POU2F1: variants seen among roughly 807,000 people sequenced by gnomAD.
POU2F1 encodes the protein POU domain, class 2, transcription factor 1.
A neutral mutation model predicts 84.9 loss-of-function variants in POU2F1; 16 were observed. The ratio of observed to expected loss-of-function variants is 0.19; its 90% CI spans 0.13 to 0.29. The LOEUF is 0.29. Ranked by LOEUF, POU2F1 falls within the 10% of genes least tolerant of loss-of-function variation. The pLI, the probability that POU2F1 is intolerant of heterozygous loss-of-function variation, is 1.00. For missense variants in POU2F1, 738 were observed against 942.6 expected, an observed-to-expected ratio of 0.78 and a Z score of 2.84; for synonymous variants, 368 against 368.3, an observed-to-expected ratio of 1.00 and a Z score of 0.01.
At chr1:167,280,576 T>C in intron 1 of POU2F1, among the ~76,000 whole-genome samples, 1 of 152,208 alleles carries the variant, frequency 6.6e-6, no homozygotes, top group East Asian at 1.9e-4. Context: ...AACACTGGGC[T>C]TTTACATGGC....
At chr1:167,404,820 C>T (rs761366793) in intron 13 of POU2F1, among the ~76,000 whole-genome samples, 6 of 152,188 alleles carry the variant, frequency 3.9e-5, no homozygotes, top group Non-Finnish European at 8.8e-5. Context: ...GATTTCTCCA[C>T]CATCCAGTTT....
At chr1:167,307,845 T>A (rs1655186877) in intron 1 of POU2F1, among the ~76,000 whole-genome samples, 1 of 152,190 alleles carries the variant, frequency 6.6e-6, no homozygotes, top group Non-Finnish European at 1.5e-5. Context: ...TTGTCATATC[T>A]CTTTACTGTT....
chr1:167,392,159 G>A (rs1055054123), intron 9 of POU2F1, among the ~76,000 whole-genome samples: 2 of 152,022 alleles, frequency 1.3e-5, no homozygotes, highest in African/African-American at 2.4e-5. Flanking sequence ...AGACCAGCCT[G>A]GCCAACATGG....
intron 1 of POU2F1, among the ~76,000 whole-genome samples, chr1:167,233,138 ATTTTTT>A (rs1203798759): frequency 7.1e-6 from 1 of 140,628 alleles, no homozygotes; most frequent in African/African-American, 2.6e-5. Context: ...TTATTTTTTA[ATTTTTT>A]TTTTTTTTTT....
intron 2 of POU2F1, among the ~76,000 whole-genome samples, chr1:167,334,715 T>C (rs1481955658): frequency 6.6e-6 from 1 of 152,218 alleles, no homozygotes; most frequent in Non-Finnish European, 1.5e-5. Flanking sequence ...TTTGATATAT[T>C]AGATATAAAA....
At chr1:167,393,741 T>TTTTATAATAAGAC (rs2101901438) in intron 9 of POU2F1, among the ~76,000 whole-genome samples, 1 of 152,274 alleles carries the variant, frequency 6.6e-6, no homozygotes, top group East Asian at 1.9e-4. Flanking sequence ...AAATTGTTAC[T>TTTTATAATAAGAC]TTTATAATAA....
chr1:167,350,553 T>A (rs1658485329), intron 2 of POU2F1, among the ~76,000 whole-genome samples: 1 of 151,780 alleles, frequency 6.6e-6, no homozygotes, highest in African/African-American at 2.4e-5. Flanking sequence ...TTCCTTCAGA[T>A]GTAGCTAGGT....
At chr1:167,399,077 A>C (rs1031011641) in intron 11 of POU2F1, 109 bp from the exon 12 acceptor site, 67 of 1,037,374 alleles carry the variant, frequency 6.5e-5, no homozygotes, top group Middle Eastern at 2.5e-4. Flanking sequence ...CCTAATGTGG[A>C]TGGTCATATG....
Position 167,246,211 on chromosome 1 carries a change from C to T in POU2F1, c.61+25253C>T, listed in dbSNP as rs563960786. 7.9e-5 allele frequency among the ~76,000 whole-genome samples: 12 copies of T among 152,132 alleles called. No homozygotes were observed. The East Asian group carries it at 2.1e-3, about 27-fold the overall frequency. ...GAATTTTTTTTTCATGAAGACCCACCTAGGAGATTTCTTTCAAATCCTAAA... is the reference window on the plus strand; with the variant it reads ...GAATTTTTTTTTCATGAAGACCCACTTAGGAGATTTCTTTCAAATCCTAAA... On this transcript the variant is annotated intron_variant, in intron 1 of 15. Coordinates refer to ENST00000367866, the MANE Select transcript of POU2F1 (RefSeq NM_002697.4).
intron 1 of POU2F1, among the ~76,000 whole-genome samples, chr1:167,233,654 A>G (rs1306315889): frequency 6.6e-6 from 1 of 152,240 alleles, no homozygotes. Flanking sequence ...TAAGTGATGC[A>G]TAACTGCACA....
intron 13 of POU2F1, among the ~76,000 whole-genome samples, chr1:167,405,134 C>T (rs1403715624): frequency 6.6e-6 from 1 of 152,136 alleles, no homozygotes; most frequent in Non-Finnish European, 1.5e-5. Context: ...GTCTCAAAAA[C>T]TTGTAAAAAT....
Position 167,417,771 on chromosome 1 carries a change from C to G in POU2F1, c.*1961C>G, listed in dbSNP as rs1187999502. The G allele has an allele frequency of 6.6e-6, 1 of 152,156 alleles. No homozygotes were observed. The highest frequency in any genetic ancestry group is 1.5e-5 in the Non-Finnish European group (1 of 68,018). 9.4% of individuals were successfully genotyped at this position (152,156 alleles called of 1,614,324 possible). A position where few individuals can be genotyped will look rare whatever the true frequency, so the allele number is the denominator to read the frequency against. ...GGGAGCTTGGATTCTGTGTACTTGT[C>G]TCTTTCCCATTGTCCAGTAAGGCAG... is the stretch of plus-strand genomic sequence containing the variant. On this transcript the variant is annotated 3_prime_UTR_variant, in exon 16 of 16. Transcript: ENST00000367866.
At chr1:167,332,681 G>A (rs1657155509) in intron 2 of POU2F1, 146 bp downstream of exon 2, 2 of 591,730 alleles carry the variant, frequency 3.4e-6, no homozygotes. Context: ...TAGGAACTGG[G>A]AGGGATTATG....
chr1:167,278,229 T>C (rs969884337), intron 1 of POU2F1, among the ~76,000 whole-genome samples: 1 of 152,226 alleles, frequency 6.6e-6, no homozygotes, highest in African/African-American at 2.4e-5. Flanking sequence ...TTCCATTTCA[T>C]TCTTCACGTC....
intron 7 of POU2F1, among the ~76,000 whole-genome samples, chr1:167,377,055 T>C (rs1349671194): frequency 6.6e-6 from 1 of 152,198 alleles, no homozygotes; most frequent in South Asian, 2.1e-4. Flanking sequence ...ATGTCAGTCT[T>C]GGAAAATGAA....
intron 7 of POU2F1, chr1:167,380,637 A>G (rs1007237263): frequency 6.6e-6 from 1 of 152,242 alleles, no homozygotes; most frequent in Non-Finnish European, 1.5e-5. Flanking sequence ...CTGAAAATCC[A>G]AAGAGCTAAT....
At chr1:167,298,360 C>T (rs1426865722) in intron 1 of POU2F1, among the ~76,000 whole-genome samples, 2 of 151,744 alleles carry the variant, frequency 1.3e-5, no homozygotes, top group Admixed American at 6.6e-5. Context: ...AAAAATGTTC[C>T]TTGAACATTT....
At chr1:167,250,571 T>C (rs1431112867) in intron 1 of POU2F1, among the ~76,000 whole-genome samples, 1 of 152,230 alleles carries the variant, frequency 6.6e-6, no homozygotes, top group Non-Finnish European at 1.5e-5. Context: ...CCTCAGAGGA[T>C]ACTACTTTGA....
intron 1 of POU2F1, among the ~76,000 whole-genome samples, chr1:167,274,268 G>A (rs962547589): frequency 6.6e-6 from 1 of 152,076 alleles, no homozygotes; most frequent in African/African-American, 2.4e-5. Flanking sequence ...TTAATCTGTT[G>A]CTTCTCACCC....
Sources: allele counts gnomAD v4.1 joint callset (sites outside exome capture counted in the v4.1 genomes callset), GRCh38; gene constraint gnomAD v4.1.1; transcripts MANE v1.5; gene names NCBI Gene and HGNC (gene_info 2026-07-23, HGNC 2026-07-21).